The following RCAN2 variants were observed in gnomAD, a reference collection of about 807,000 sequenced individuals.
RCAN2 encodes the protein regulator of calcineurin 2.
In RCAN2, 9 loss-of-function variants were observed where a neutral mutation model predicts 23.6. The observed-to-expected ratio is 0.38, with a 90% confidence interval of 0.23 to 0.67. RCAN2 has a LOEUF of 0.67. Among genes scored for constraint, RCAN2 ranks in the 30% least tolerant of loss-of-function variants. RCAN2 has a pLI of 0.51. For missense variants in RCAN2, 273 were observed against 302.3 expected, an observed-to-expected ratio of 0.90 and a Z score of 0.72; for synonymous variants, 109 against 115.7, an observed-to-expected ratio of 0.94 and a Z score of 0.37.
chr6:46,346,763 T>G (rs1006209028), intron 2 of RCAN2, among the ~76,000 whole-genome samples: 2 of 152,046 alleles, frequency 1.3e-5, no homozygotes, highest in Admixed American at 1.3e-4. Context: ...TCGGTTTTCT[T>G]CTTTTCTTTT....
At chr6:46,466,168 T>C (rs1195924384) in intron 1 of RCAN2, among the ~76,000 whole-genome samples, 4 of 152,170 alleles carry the variant, frequency 2.6e-5, no homozygotes, top group African/African-American at 9.7e-5. Context: ...AGCAATGTTA[T>C]GCAAAATAAC....
intron 2 of RCAN2, among the ~76,000 whole-genome samples, chr6:46,367,494 G>T (rs908252837): frequency 2.0e-5 from 3 of 152,250 alleles, no homozygotes; most frequent in African/African-American, 7.2e-5. Flanking sequence ...AACTTCAAAG[G>T]CTTGGCTGAT....
At chr6:46,235,488 C>G (rs1766058719) in intron 4 of RCAN2, among the ~76,000 whole-genome samples, 2 of 152,174 alleles carry the variant, frequency 1.3e-5, no homozygotes, top group Non-Finnish European at 2.9e-5. Context: ...CATATCCAGG[C>G]CTGATCTCAC....
intron 4 of RCAN2, among the ~76,000 whole-genome samples, chr6:46,241,273 G>C (rs1359828629): frequency 6.6e-6 from 1 of 152,120 alleles, no homozygotes; most frequent in Non-Finnish European, 1.5e-5. Flanking sequence ...CTGGAGTCAG[G>C]AACAACAGAT....
chr6:46,444,330 G>T lies in RCAN2; in HGVS notation c.225+12422C>A, dbSNP rs571100389. On this transcript the variant is annotated intron_variant, in intron 2 of 4. Coordinates refer to ENST00000371374, the MANE Select transcript of RCAN2 (RefSeq NM_001251974.2). ...CAGCACAGGCAGGTCAAGGCCAAAG[G>T]CTTTAAACTATAGATACTCAAAGAA... Among the ~76,000 whole-genome samples, 4 of 152,210 alleles carry T rather than the reference G, an allele frequency of 2.6e-5. No homozygotes were observed. The South Asian group carries it at 8.3e-4, about 32-fold the overall frequency.
intron 2 of RCAN2, among the ~76,000 whole-genome samples, chr6:46,376,862 GC>G (rs1765481046): frequency 2.3e-5 from 3 of 129,934 alleles, no homozygotes; most frequent in Non-Finnish European, 4.9e-5. Context: ...ACTTCCCCCC[GC>G]CCCGCACCCC....
intron 2 of RCAN2, among the ~76,000 whole-genome samples, chr6:46,261,892 C>G (rs1029465712): frequency 6.6e-6 from 1 of 152,156 alleles, no homozygotes; most frequent in Admixed American, 6.5e-5. Context: ...TGCCTTCAAT[C>G]CTTCCCTTTG....
At chr6:46,258,035 A>G (rs975809188) in intron 2 of RCAN2, among the ~76,000 whole-genome samples, 6 of 152,300 alleles carry the variant, frequency 3.9e-5, no homozygotes, top group East Asian at 1.9e-4. Context: ...ATATTTTTCA[A>G]TTTTCACAAT....
intron 2 of RCAN2, among the ~76,000 whole-genome samples, chr6:46,332,459 C>G (rs60895194): frequency 4.2e-5 from 5 of 118,706 alleles, no homozygotes; most frequent in East Asian, 5.0e-4. Flanking sequence ...TCCCTCCCCC[C>G]TCCCCCCACC....
intron 2 of RCAN2, among the ~76,000 whole-genome samples, chr6:46,262,062 G>C (rs1184780460): frequency 6.6e-6 from 1 of 152,052 alleles, no homozygotes; most frequent in East Asian, 1.9e-4. Flanking sequence ...CTGTCTTTTA[G>C]ACAAACCCAT....
chr6:46,243,116 C>T lies in RCAN2; in HGVS notation c.571+3632G>A, dbSNP rs143962687. On this transcript the variant is annotated intron_variant, in intron 4 of 4. Coordinates refer to ENST00000371374, the MANE Select transcript of RCAN2 (RefSeq NM_001251974.2). ...CCTGGTTGGGAAGGGGGCAGAGACG[C>T]GATGTGGGGGAGGATGCCATGGGGA... 4.0e-3 allele frequency among the ~76,000 whole-genome samples: 612 copies of T among 152,164 alleles called. 4 individuals carry two copies. Among genetic ancestry groups the T allele is most frequent in the South Asian group, 0.021 (103 of 4,828 alleles).
In RCAN2 at chr6:46,221,998, G is replaced by C. The variant is rs1471602252; in HGVS notation, c.*1143C>G. On this transcript the variant is annotated 3_prime_UTR_variant, in exon 5 of 5. Coordinates refer to ENST00000371374, the MANE Select transcript of RCAN2 (RefSeq NM_001251974.2). ...ATCCTTCCCCATTTTAACATGCTCA[G>C]CTGCTGCTGCATTCTGGGGATTTAG... is the stretch of plus-strand genomic sequence containing the variant. The C allele has an allele frequency of 5.0e-6, 2 of 398,414 alleles. No individual in the cohort carries two copies. The highest frequency in any genetic ancestry group is 8.8e-6 in the Non-Finnish European group (2 of 226,030). 24.7% of individuals were successfully genotyped at this position (398,414 alleles called of 1,614,324 possible). A position where few individuals can be genotyped will look rare whatever the true frequency, so the allele number is the denominator to read the frequency against.
At chr6:46,238,489 C>T (rs1054739791) in intron 4 of RCAN2, among the ~76,000 whole-genome samples, 3 of 152,124 alleles carry the variant, frequency 2.0e-5, no homozygotes, top group African/African-American at 7.2e-5. Flanking sequence ...GGACTGTCAA[C>T]TCCAAAATAT....
intron 4 of RCAN2, among the ~76,000 whole-genome samples, chr6:46,243,715 C>A (rs560324049): frequency 6.3e-5 from 9 of 141,864 alleles, no homozygotes; most frequent in African/African-American, 2.4e-4. Context: ...GAAGCTGAGG[C>A]AGGAGAATTG....
At chr6:46,344,080 G>T (rs1764411996) in intron 2 of RCAN2, among the ~76,000 whole-genome samples, 1 of 152,200 alleles carries the variant, frequency 6.6e-6, no homozygotes, top group Non-Finnish European at 1.5e-5. Context: ...CTGCAAAAGG[G>T]CATGAGGAGT....
At chr6:46,229,633 G>A (rs575495997) in intron 4 of RCAN2, among the ~76,000 whole-genome samples, 13 of 152,156 alleles carry the variant, frequency 8.5e-5, no homozygotes, top group African/African-American at 1.9e-4. Flanking sequence ...GTCATTTAAC[G>A]TCTTCTCTAT....
chr6:46,256,983 G>A (rs1766940342), intron 2 of RCAN2, among the ~76,000 whole-genome samples: 1 of 152,140 alleles, frequency 6.6e-6, no homozygotes, highest in African/African-American at 2.4e-5. Context: ...AGATGGGCCT[G>A]ATCTAAAAAC....
At position 46,223,103 on chromosome 6, in the gene RCAN2, A is replaced by AAAG; in HGVS notation, c.*35_*37dup. ...AAACAACAGGGGGAAAAAGCATGAT[A>AAAG]AAGAGGAGACGGCTATTATCGAGAA... On this transcript the variant is annotated 3_prime_UTR_variant, in exon 5 of 5. Coordinates refer to ENST00000371374, the MANE Select transcript of RCAN2 (RefSeq NM_001251974.2). The AAAG allele has an allele frequency of 8.7e-6, 14 of 1,607,814 alleles. No individual in the cohort carries two copies. Among genetic ancestry groups the AAAG allele is most frequent in the Non-Finnish European group, 1.2e-5 (14 of 1,177,686 alleles).
chr6:46,375,675 TA>T (rs373211063), intron 2 of RCAN2, among the ~76,000 whole-genome samples: 114 of 152,178 alleles, frequency 7.5e-4, no homozygotes, highest in African/African-American at 2.6e-3. Context: ...AGCCAGGGAG[TA>T]AATATTTTAG....
Sources: allele counts gnomAD v4.1 joint callset (sites outside exome capture counted in the v4.1 genomes callset), GRCh38; gene constraint gnomAD v4.1.1; transcripts MANE v1.5; gene names NCBI Gene and HGNC (gene_info 2026-07-23, HGNC 2026-07-21).